Variants in GTF2A1L observed in about 807,000 individuals in gnomAD.
The protein encoded by GTF2A1L is TFIIA-alpha and beta-like factor.
GTF2A1L carries 48 observed loss-of-function variants against 49.7 expected under a neutral mutation model. The ratio of observed to expected loss-of-function variants is 0.97; its 90% confidence interval spans 0.77 to 1.23. GTF2A1L has a LOEUF of 1.23. GTF2A1L is among the 50% of genes most tolerant of loss of function. The pLI is 0.00. For synonymous variants in GTF2A1L, 246 were observed against 193.5 expected (o/e 1.27, Z -2.25); for missense variants, 736 against 564.8 (o/e 1.30, Z -3.07).
Position 48,671,649 on chromosome 2 carries a change from C to G in GTF2A1L, c.1298C>G (p.Thr433Arg). The change falls in exon 8 of 9, where the codon ACG (threonine) becomes AGG (arginine). Residue 433 changes from threonine to arginine, a missense_variant. Transcript: ENST00000403751. Reference protein sequence around the residue: ...SEQDVPDLFDTDNVIVCQYDK... With the variant: ...SEQDVPDLFDRDNVIVCQYDK... ...CAGGATGTGCCAGACCTGTTTGACA[C>G]GGATAATGTTATTGTCTGTCAGTAT... 1 of 1,613,436 alleles carries G rather than the reference C, an allele frequency of 6.2e-7. No individual in the cohort carries two copies. Among genetic ancestry groups the G allele is most frequent in the Non-Finnish European group, 8.5e-7 (1 of 1,179,610 alleles).
intron 6 of GTF2A1L, among the ~76,000 whole-genome samples, chr2:48,669,320 C>T (rs1170492028): frequency 6.6e-6 from 1 of 152,132 alleles, no homozygotes; most frequent in African/African-American, 2.4e-5. Context: ...TTAGTGTAAT[C>T]CTTTACATTT....
At chr2:48,663,537 G>A (rs952349634) in intron 6 of GTF2A1L, among the ~76,000 whole-genome samples, 2 of 152,156 alleles carry the variant, frequency 1.3e-5, no homozygotes, top group African/African-American at 4.8e-5. Flanking sequence ...GTATTAAAGT[G>A]TAAAGCACTG....
intron 3 of GTF2A1L, chr2:48,633,094 T>C (rs1558711387): frequency 3.7e-6 from 1 of 272,274 alleles, no homozygotes; most frequent in East Asian, 1.1e-4. Flanking sequence ...GATGTACTTC[T>C]TGTAGGCTTC....
chr2:48,651,227 G>A lies in GTF2A1L; in HGVS notation c.978+4185G>A, dbSNP rs114047818. Among the ~76,000 whole-genome samples, 141 of 152,110 alleles carry A rather than the reference G, an allele frequency of 9.3e-4. 3 individuals carry two copies. Among genetic ancestry groups the A allele is most frequent in the African/African-American group, 3.2e-3 (132 of 41,492 alleles). ...TTAGTGCAGAGAAAATAAAAAAAAA[G>A]GAAGCATTTCCTCTGTCAGATGACA... On this transcript the variant is annotated intron_variant, in intron 6 of 8. Coordinates refer to ENST00000403751, the MANE Select transcript of GTF2A1L (RefSeq NM_006872.5).
chr2:48,667,392 C>T (rs1382069484), intron 6 of GTF2A1L, among the ~76,000 whole-genome samples: 1 of 152,020 alleles, frequency 6.6e-6, no homozygotes, highest in African/African-American at 2.4e-5. Flanking sequence ...AAGGGCTGTC[C>T]CTCCTTGGAT....
chr2:48,650,919 G>A (rs768510571), intron 6 of GTF2A1L, among the ~76,000 whole-genome samples: 8 of 152,146 alleles, frequency 5.3e-5, no homozygotes, highest in Non-Finnish European at 1.0e-4. Flanking sequence ...CGTTGAAAAT[G>A]TGAAAAGAAT....
At chr2:48,645,800 C>T (rs1007147080) in intron 5 of GTF2A1L, among the ~76,000 whole-genome samples, 1 of 152,144 alleles carries the variant, frequency 6.6e-6, no homozygotes, top group African/African-American at 2.4e-5. Flanking sequence ...AGGCGCCGGC[C>T]ACCACGCCCG....
At chr2:48,619,606 C>T (rs1675863765) in intron 1 of GTF2A1L, among the ~76,000 whole-genome samples, 1 of 151,912 alleles carries the variant, frequency 6.6e-6, no homozygotes, top group Non-Finnish European at 1.5e-5. Flanking sequence ...CCTAGAGTGC[C>T]ACAATTTTCA....
intron 3 of GTF2A1L, among the ~76,000 whole-genome samples, chr2:48,632,123 G>A (rs962419462): frequency 1.3e-5 from 2 of 152,084 alleles, no homozygotes; most frequent in Admixed American, 6.5e-5. Flanking sequence ...TCAGATGTTG[G>A]TACTGCTGTG....
rs1676197310 is a variant in GTF2A1L, at chr2:48,624,514, T to A, written c.247+3224T>A. ...GAAGAGGTTGGTATAGTCTAGCAAA[T>A]TAACATATCTGTCATCTCACATAGG... On this transcript the variant is annotated intron_variant, in intron 3 of 8. Coordinates refer to ENST00000403751, the MANE Select transcript of GTF2A1L (RefSeq NM_006872.5). Among the ~76,000 whole-genome samples the A allele has an allele frequency of 1.4e-5, 2 of 143,992 alleles. 1 individual carries two copies. The highest frequency in any genetic ancestry group is 3.1e-5 in the Non-Finnish European group (2 of 63,980). The allele number at this position is 143,992 out of a possible 152,430, so 94.5% of individuals were successfully genotyped here.
At chr2:48,631,799 A>G (rs1676593957) in intron 3 of GTF2A1L, among the ~76,000 whole-genome samples, 1 of 152,100 alleles carries the variant, frequency 6.6e-6, no homozygotes, top group Non-Finnish European at 1.5e-5. Flanking sequence ...ATTTAGTACT[A>G]TACAGTTTCC....
intron 6 of GTF2A1L, among the ~76,000 whole-genome samples, chr2:48,649,875 A>T (rs549753624): frequency 6.6e-6 from 1 of 152,328 alleles, no homozygotes; most frequent in East Asian, 1.9e-4. Flanking sequence ...CTTTACTGGG[A>T]ACACCAAACC....
chr2:48,631,538 C>G (rs925844098), intron 3 of GTF2A1L, among the ~76,000 whole-genome samples: 13 of 151,790 alleles, frequency 8.6e-5, no homozygotes, highest in African/African-American at 3.1e-4. Flanking sequence ...AGTTAGTGTT[C>G]TATCGATATT....
chr2:48,649,665 A>T (rs1411314590), intron 6 of GTF2A1L, among the ~76,000 whole-genome samples: 2 of 152,246 alleles, frequency 1.3e-5, no homozygotes, highest in Non-Finnish European at 2.9e-5. Context: ...AGTGCATGTT[A>T]GCACTCTCTT....
chr2:48,620,880 T>C lies in GTF2A1L; in HGVS notation c.51T>C (p.Asp17=), dbSNP rs151177665. 29 of 1,596,366 alleles carry C rather than the reference T, an allele frequency of 1.8e-5. No homozygotes were observed. The highest frequency in any genetic ancestry group is 2.4e-5 in the Non-Finnish European group (28 of 1,171,912). The change falls in exon 2 of 9, where the codon GAT becomes GAC. Residue 17 remains aspartate (D), a synonymous_variant. Coordinates refer to ENST00000403751, the MANE Select transcript of GTF2A1L (RefSeq NM_006872.5). The part of the protein sequence containing the change: ...VPKLYRSVIE[D]VIEGVRNLFA... ...AACTCTACAGATCTGTAATTGAAGA[T>C]GTAATTGAAGGAGTTCGGAATCTAT...
intron 3 of GTF2A1L, among the ~76,000 whole-genome samples, chr2:48,623,946 G>A (rs1044205484): frequency 2.0e-5 from 3 of 152,140 alleles, no homozygotes; most frequent in Non-Finnish European, 4.4e-5. Flanking sequence ...AAAACTACCC[G>A]TCAGGTACTA....
At chr2:48,673,413 A>G (rs1351177889) in intron 8 of GTF2A1L, among the ~76,000 whole-genome samples, 2 of 120,682 alleles carry the variant, frequency 1.7e-5, no homozygotes, top group Non-Finnish European at 3.2e-5. Flanking sequence ...CCCAGGCTGG[A>G]GTGTAGTGGC....
At position 48,629,658 on chromosome 2, in the gene GTF2A1L, C is replaced by T. The variant is rs1676471673; in HGVS notation, c.247+8368C>T. Among the ~76,000 whole-genome samples, 4 of 143,858 alleles carry T rather than the reference C, an allele frequency of 2.8e-5. 2 individuals carry two copies. The South Asian group carries it at 9.6e-4, about 34-fold the overall frequency. The allele number at this position is 143,858 out of a possible 152,430, so 94.4% of individuals were successfully genotyped here. A position where few individuals can be genotyped will look rare whatever the true frequency, so the allele number is the denominator to read the frequency against. On this transcript the variant is annotated intron_variant, in intron 3 of 8. Transcript: ENST00000403751. Reference sequence around the variant, plus strand: ...GGTGAGAAAGGGAAGGACATGAAGTCTATTTTCAGGCTAAGGGAAAAGGCT... The same window carrying T: ...GGTGAGAAAGGGAAGGACATGAAGTTTATTTTCAGGCTAAGGGAAAAGGCT...
At chr2:48,630,549 C>A (rs984611053) in intron 3 of GTF2A1L, among the ~76,000 whole-genome samples, 1 of 143,818 alleles carries the variant, frequency 7.0e-6, no homozygotes, top group African/African-American at 2.5e-5. Flanking sequence ...GGTATAAGAC[C>A]ATATTGTCAG....
Sources: allele counts gnomAD v4.1 joint callset (sites outside exome capture counted in the v4.1 genomes callset), GRCh38; gene constraint gnomAD v4.1.1; transcripts MANE v1.5; gene names NCBI Gene and HGNC (gene_info 2026-07-23, HGNC 2026-07-21).